The following SNX25 variants were observed in gnomAD, a reference collection of about 807,000 sequenced individuals.
The protein encoded by SNX25 is sorting nexin-25.
A neutral mutation model predicts 113.7 loss-of-function variants in SNX25; 62 were observed. That is an observed-to-expected ratio of 0.55 (90% confidence interval 0.44 to 0.67). SNX25 has a LOEUF of 0.67. Ranked by LOEUF, SNX25 falls within the 30% of genes least tolerant of loss-of-function variation. The pLI is 0.00. For missense variants in SNX25, 1,014 were observed against 1,161.0 expected (o/e 0.87, Z 1.84); for synonymous variants, 421 against 436.2 (o/e 0.97, Z 0.43).
chr4:185,276,371 A>G (rs72708066), intron 5 of SNX25, among the ~76,000 whole-genome samples: 10,917 of 152,306 alleles, frequency 0.072, 444 homozygotes, highest in Middle Eastern at 0.11. Flanking sequence ...CTAGTGGTCA[A>G]CTGGAGTGCA....
intron 6 of SNX25, among the ~76,000 whole-genome samples, chr4:185,297,478 A>C (rs1752992770): frequency 6.6e-6 from 1 of 152,226 alleles, no homozygotes; most frequent in African/African-American, 2.4e-5. Flanking sequence ...GCTCCAAATG[A>C]AAATGTCCAC....
At chr4:185,212,491 G>GTTTTTTGTTT (rs1738063719) in intron 1 of SNX25, among the ~76,000 whole-genome samples, 2 of 104,942 alleles carry the variant, frequency 1.9e-5, no homozygotes, top group African/African-American at 3.7e-5. Context: ...GTGTGTGTGT[G>GTTTTTTGTTT]TTTTTTTTTT....
At chr4:185,347,238 C>T (rs2095291599) in intron 13 of SNX25, among the ~76,000 whole-genome samples, 1 of 152,210 alleles carries the variant, frequency 6.6e-6, no homozygotes, top group Non-Finnish European at 1.5e-5. Flanking sequence ...ACGTCTAGTA[C>T]TTGTCTTTTG....
chr4:185,311,749 T>C (rs1449734587), intron 7 of SNX25, among the ~76,000 whole-genome samples: 2 of 152,190 alleles, frequency 1.3e-5, no homozygotes, highest in African/African-American at 2.4e-5. Flanking sequence ...TCTGTGATGT[T>C]CCCCTGCCTC....
chr4:185,290,296 C>T (rs1751961135), intron 6 of SNX25, among the ~76,000 whole-genome samples: 1 of 152,170 alleles, frequency 6.6e-6, no homozygotes, highest in African/African-American at 2.4e-5. Flanking sequence ...TCTCAGTGAC[C>T]CTTGATTCTT....
chr4:185,347,835 T>C (rs535744462), intron 13 of SNX25, among the ~76,000 whole-genome samples: 1 of 152,356 alleles, frequency 6.6e-6, no homozygotes, highest in East Asian at 1.9e-4. Flanking sequence ...TATGGGTTTG[T>C]CCATGTTCTG....
At chr4:185,332,505 G>A (rs759527865) in intron 9 of SNX25, 90 bp from the exon 10 acceptor site, 14 of 1,222,140 alleles carry the variant, frequency 1.1e-5, no homozygotes, top group Admixed American at 8.0e-5. Context: ...TTACTGGAAT[G>A]TAGTATTTTG....
chr4:185,313,705 G>A (rs183682168), intron 7 of SNX25, among the ~76,000 whole-genome samples: 16 of 152,236 alleles, frequency 1.1e-4, no homozygotes, highest in Admixed American at 6.5e-4. Flanking sequence ...TGTACAGTTG[G>A]CCCTTGAACA....
intron 7 of SNX25, among the ~76,000 whole-genome samples, chr4:185,311,115 A>T (rs1755178872): frequency 6.6e-6 from 1 of 151,998 alleles, no homozygotes; most frequent in African/African-American, 2.4e-5. Context: ...TATTTACAAG[A>T]CTCCAATCAA....
chr4:185,357,802 CT>C, intron 16 of SNX25, 65 bp downstream of exon 16: 1 of 1,288,178 alleles, frequency 7.8e-7, no homozygotes, highest in Non-Finnish European at 1.1e-6. Flanking sequence ...GTCAAATTAC[CT>C]TATGATCTAG....
intron 1 of SNX25, among the ~76,000 whole-genome samples, chr4:185,225,774 C>A (rs1337505266): frequency 1.3e-5 from 2 of 152,144 alleles, no homozygotes; most frequent in Non-Finnish European, 2.9e-5. Context: ...CTGTTATTCT[C>A]ATGTTGTGGA....
At chr4:185,357,986 G>T (rs1370409445) in intron 16 of SNX25, among the ~76,000 whole-genome samples, 8 of 152,218 alleles carry the variant, frequency 5.3e-5, no homozygotes, top group African/African-American at 1.7e-4. Flanking sequence ...GCGAGGGTCA[G>T]GAGGTTGTAC....
intron 5 of SNX25, among the ~76,000 whole-genome samples, chr4:185,282,958 G>A (rs1273071760): frequency 1.3e-5 from 2 of 152,140 alleles, no homozygotes; most frequent in African/African-American, 4.8e-5. Context: ...ATTTGGATGT[G>A]TTTGGATGTA....
chr4:185,270,951 T>G (rs1359630280), intron 5 of SNX25, among the ~76,000 whole-genome samples: 2 of 152,240 alleles, frequency 1.3e-5, no homozygotes, highest in Non-Finnish European at 2.9e-5. Flanking sequence ...TTGTCTGCCA[T>G]TTAAAGGATG....
chr4:185,378,542 C>T, the SNX25 span: 1 of 1,038,406 alleles, frequency 9.6e-7, no homozygotes, highest in Non-Finnish European at 1.2e-6. Context: ...CCTGGTGACA[C>T]TGCCCACAGT....
chr4:185,339,281 C>T, intron 10 of SNX25, 98 bp from the exon 11 acceptor site: 1 of 1,160,846 alleles, frequency 8.6e-7, no homozygotes, highest in Non-Finnish European at 1.2e-6. Flanking sequence ...TATCGAAACA[C>T]AGCTGATTAT....
the SNX25 span, among the ~76,000 whole-genome samples, chr4:185,376,412 G>A: frequency 6.6e-6 from 1 of 150,546 alleles, no homozygotes; most frequent in East Asian, 1.9e-4. Flanking sequence ...AAGTAGCTGG[G>A]ATTACAGATG....
At chr4:185,300,190 C>T (rs148878621) in intron 6 of SNX25, among the ~76,000 whole-genome samples, 2 of 151,534 alleles carry the variant, frequency 1.3e-5, no homozygotes, top group African/African-American at 2.4e-5. Flanking sequence ...GGTGGAGCCT[C>T]GCTCTGTCGC....
chr4:185,301,505 C>T (rs549399855), intron 6 of SNX25, among the ~76,000 whole-genome samples: 3 of 152,210 alleles, frequency 2.0e-5, no homozygotes, highest in Admixed American at 6.5e-5. Context: ...GATTCTCCTG[C>T]CCCATTCTTC....
Sources: gnomAD v4.1 joint callset for allele counts (sites outside exome capture counted in the v4.1 genomes callset) on GRCh38, gnomAD v4.1.1 for gene constraint, MANE v1.5 for transcripts, NCBI Gene and HGNC (gene_info 2026-07-23, HGNC 2026-07-21) for gene names.